GALNT18: variants seen among roughly 807,000 people sequenced by gnomAD.
GALNT18 encodes the protein polypeptide N-acetylgalactosaminyltransferase 18, also known as GalNAc-transferase 18.
A neutral mutation model predicts 69.5 loss-of-function variants in GALNT18; 44 were observed. The ratio of observed to expected loss-of-function variants is 0.63; its 90% CI spans 0.50 to 0.81. The LOEUF (loss-of-function observed/expected upper bound fraction) is 0.81. GALNT18 is among the 40% of genes least tolerant of loss of function. The pLI is 0.00. For synonymous variants in GALNT18, 364 were observed against 318.2 expected (o/e 1.14, Z -1.53); for missense variants, 715 against 810.0 (o/e 0.88, Z 1.42).
chr11:11,371,696 T>C (rs769338140), intron 6 of GALNT18, among the ~76,000 whole-genome samples: 2 of 152,158 alleles, frequency 1.3e-5, no homozygotes, highest in Non-Finnish European at 2.9e-5. Flanking sequence ...TCCCTGGTCC[T>C]AGAGGTGGGC....
chr11:11,446,253 C>T (rs999736169), intron 2 of GALNT18, among the ~76,000 whole-genome samples: 23 of 152,212 alleles, frequency 1.5e-4, no homozygotes, highest in African/African-American at 4.6e-4. Context: ...AGGGCATTAT[C>T]GGCACGTCCA....
In GALNT18 at chr11:11,466,042, T is replaced by C. The variant is rs79304303; in HGVS notation, c.236-17106A>G. Among the ~76,000 whole-genome samples, 781 of 152,328 alleles carry C rather than the reference T, an allele frequency of 5.1e-3. 9 individuals are homozygous for C. Among genetic ancestry groups the C allele is most frequent in the African/African-American group, 0.018 (742 of 41,582 alleles). On this transcript the variant is annotated intron_variant, in intron 1 of 10. Coordinates refer to ENST00000227756, the MANE Select transcript of GALNT18 (RefSeq NM_198516.3). ...AATCATAACCTACAAAACTGTATTT[T>C]TTGCATTTCACCCATTATACGCAAA...
In GALNT18 at chr11:11,314,227, T is replaced by C. The variant is rs1849714952; in HGVS notation, c.1512+12859A>G. Among the ~76,000 whole-genome samples the C allele has an allele frequency of 6.6e-6, 1 of 152,138 alleles. No individual in the cohort carries two copies. Among genetic ancestry groups the C allele is most frequent in the East Asian group, 1.9e-4 (1 of 5,194 alleles). Reference sequence around the variant, plus strand: ...CCTCTCTGGTTAGTGAGTCTGAACATTGGTCCACTGTGGAGCTGCTAATGA... The same window carrying C: ...CCTCTCTGGTTAGTGAGTCTGAACACTGGTCCACTGTGGAGCTGCTAATGA... On this transcript the variant is annotated intron_variant, in intron 9 of 10. Transcript: ENST00000227756. The surrounding 1 kb of genome is among the most constrained non-coding windows in gnomAD (Gnocchi z 5.2).
chr11:11,594,916 CGTGT>C (rs34880134), intron 1 of GALNT18, among the ~76,000 whole-genome samples: 25 of 139,924 alleles, frequency 1.8e-4, no homozygotes, highest in Middle Eastern at 3.8e-3. Context: ...ACAAAATATG[CGTGT>C]GTGTATATAT....
chr11:11,499,576 G>T (rs1386489306), intron 1 of GALNT18, among the ~76,000 whole-genome samples: 4 of 152,122 alleles, frequency 2.6e-5, no homozygotes, highest in Non-Finnish European at 5.9e-5. Context: ...TCTGCCATCT[G>T]CTATCTGTGT....
intron 1 of GALNT18, among the ~76,000 whole-genome samples, chr11:11,532,818 A>G (rs1190333892): frequency 2.6e-5 from 4 of 152,236 alleles, no homozygotes; most frequent in Non-Finnish European, 5.9e-5. Flanking sequence ...GACTGAGCTC[A>G]TCCCTCAGCC....
At chr11:11,376,555 T>C (rs1390547155) in intron 5 of GALNT18, among the ~76,000 whole-genome samples, 9 of 152,154 alleles carry the variant, frequency 5.9e-5, no homozygotes. Context: ...GTCACTTTTG[T>C]CTGAGTCTTA....
At position 11,500,816 on chromosome 11, in the gene GALNT18, G is replaced by C. The variant is rs369871046; in HGVS notation, c.236-51880C>G. 6.6e-6 allele frequency among the ~76,000 whole-genome samples: 1 copy of C among 152,268 alleles called. No individual in the cohort carries two copies. Among genetic ancestry groups the C allele is most frequent in the East Asian group, 1.9e-4 (1 of 5,172 alleles). ...CTGTACAAATAAAGAAGGTAAAAAG[G>C]CCGGGCACAGCACCAGGCTCTCCCC... On this transcript the variant is annotated intron_variant, in intron 1 of 10. Transcript: ENST00000227756. The surrounding 1 kb of genome is among the most constrained non-coding windows in gnomAD (Gnocchi z 5.0).
At chr11:11,479,131 G>A (rs912941847) in intron 1 of GALNT18, among the ~76,000 whole-genome samples, 2 of 152,140 alleles carry the variant, frequency 1.3e-5, no homozygotes, top group African/African-American at 4.8e-5. Flanking sequence ...CCTCTGTTTG[G>A]CTTCCCAATT....
At chr11:11,375,603 C>A (rs756875854) in intron 5 of GALNT18, among the ~76,000 whole-genome samples, 6 of 152,192 alleles carry the variant, frequency 3.9e-5, no homozygotes, top group Non-Finnish European at 8.8e-5. Context: ...CTGGGTGGAT[C>A]CTGGCTCTAC....
intron 3 of GALNT18, among the ~76,000 whole-genome samples, chr11:11,419,306 A>T (rs1303758840): frequency 6.6e-6 from 1 of 152,182 alleles, no homozygotes; most frequent in Non-Finnish European, 1.5e-5. Flanking sequence ...ATTAGAAACC[A>T]TGCAAAGTGG....
intron 9 of GALNT18, 40 bp from the exon 10 acceptor site, chr11:11,293,233 A>G (rs374763409): frequency 4.2e-5 from 55 of 1,308,716 alleles, no homozygotes; most frequent in Non-Finnish European, 5.0e-5. Flanking sequence ...ATAAATGCCA[A>G]TGGCCACGGA....
chr11:11,379,257 C>G lies in GALNT18; in HGVS notation c.603G>C (p.Leu201=). ...CCACATATTCGGTCAGCTTCTCCTT[C>G]AGTTCCTCTGTCAGGGAGAAAATGC... ...LVDDNSSNEE[L]KEKLTEYVDK... The change falls in exon 4 of 11, where the codon CTG becomes CTC. Residue 201 remains leucine, a synonymous_variant. Coordinates refer to ENST00000227756, the MANE Select transcript of GALNT18 (RefSeq NM_198516.3). The G allele has an allele frequency of 1.2e-6, 2 of 1,612,104 alleles. No individual in the cohort carries two copies. Among genetic ancestry groups the G allele is most frequent in the Non-Finnish European group, 1.7e-6 (2 of 1,179,440 alleles).
intron 6 of GALNT18, among the ~76,000 whole-genome samples, chr11:11,355,119 C>A (rs1308690129): frequency 6.6e-6 from 1 of 152,190 alleles, no homozygotes; most frequent in East Asian, 1.9e-4. Context: ...ATCCGTATTG[C>A]CCTCCAATCC....
At chr11:11,321,982 T>A (rs1238088437) in intron 9 of GALNT18, among the ~76,000 whole-genome samples, 1 of 152,164 alleles carries the variant, frequency 6.6e-6, no homozygotes, top group Non-Finnish European at 1.5e-5. Context: ...CCAGGGTTGG[T>A]TGCAGCTAGA....
At chr11:11,607,355 T>C (rs979781792) in intron 1 of GALNT18, among the ~76,000 whole-genome samples, 2 of 152,212 alleles carry the variant, frequency 1.3e-5, no homozygotes, top group African/African-American at 4.8e-5. Context: ...AAATGGTTTA[T>C]TGCCTGGGAA....
At chr11:11,427,372 G>T (rs938627651) in intron 3 of GALNT18, among the ~76,000 whole-genome samples, 4 of 152,148 alleles carry the variant, frequency 2.6e-5, no homozygotes, top group African/African-American at 4.8e-5. Context: ...GGAAGCACAG[G>T]CCTGACCCAA....
At chr11:11,296,923 A>G (rs773924022) in intron 9 of GALNT18, among the ~76,000 whole-genome samples, 31 of 152,240 alleles carry the variant, frequency 2.0e-4, no homozygotes, top group Non-Finnish European at 4.1e-4. Flanking sequence ...CTCGAACACA[A>G]AAAAGGTGTT....
At position 11,432,872 on chromosome 11, in the gene GALNT18, T is replaced by A; in HGVS notation, c.429-85A>T. The A allele has an allele frequency of 1.4e-6, 2 of 1,397,072 alleles. No individual in the cohort carries two copies. Among genetic ancestry groups the A allele is most frequent in the Non-Finnish European group, 2.0e-6 (2 of 1,016,684 alleles). The allele number at this position is 1,397,072 out of a possible 1,614,324, so 86.5% of individuals were successfully genotyped here. A position where few individuals can be genotyped will look rare whatever the true frequency, so the allele number is the denominator to read the frequency against. On this transcript the variant is annotated intron_variant, in intron 2 of 10. Transcript: ENST00000227756. The surrounding 1 kb of genome is among the most constrained non-coding windows in gnomAD (Gnocchi z 5.8). ...ACCCAGCCCATGTCCTGGCTCCAGC[T>A]TTGCTGGAGGGCTCGGGAGTCCAGA...
Sources: allele counts gnomAD v4.1 joint callset (sites outside exome capture counted in the v4.1 genomes callset), GRCh38; gene constraint gnomAD v4.1.1; non-coding constraint Gnocchi (gnomAD v3.1); transcripts MANE v1.5; gene names NCBI Gene and HGNC (gene_info 2026-07-23, HGNC 2026-07-21).